Variants in LSM11 observed in about 807,000 individuals in gnomAD.
LSM11 encodes the protein U7 snRNA-associated Sm-like protein LSm11.
LSM11 carries 14 observed loss-of-function variants against 28.1 expected under a neutral mutation model. The observed-to-expected ratio is 0.50, with a 90% CI of 0.33 to 0.78. The LOEUF (loss-of-function observed/expected upper bound fraction) is 0.78. LSM11 is among the 30% of genes least tolerant of loss of function. LSM11 has a pLI of 0.02. For missense variants in LSM11, 495 were observed against 510.6 expected, an observed-to-expected ratio of 0.97 and a Z score of 0.30; for synonymous variants, 207 against 214.2, an observed-to-expected ratio of 0.97 and a Z score of 0.30.
intron 3 of LSM11, 27 bp from the exon 4 acceptor site, chr5:157,754,827 T>C: frequency 6.3e-7 from 1 of 1,590,870 alleles, no homozygotes; most frequent in Non-Finnish European, 8.6e-7. Context: ...AAGAGAAGGC[T>C]AATATTTATC....
In LSM11 at chr5:157,744,073, A is replaced by T. The variant is rs1389491646; in HGVS notation, c.323A>T (p.Glu108Val). 1 of 1,475,186 alleles carries T rather than the reference A, an allele frequency of 6.8e-7. No homozygotes were observed. The highest frequency in any genetic ancestry group is 8.9e-7 in the Non-Finnish European group (1 of 1,117,850). The allele number at this position is 1,475,186 out of a possible 1,614,324, so 91.4% of individuals were successfully genotyped here. The change falls in exon 1 of 4, where the codon GAG (glutamate) becomes GTG (valine). Residue 108 changes from glutamate (E) to valine (V), a missense_variant. Glu to Val is a moderately radical substitution (Grantham distance 121). Transcript: ENST00000286307. ...RRPDAPAPDP[E>V]RIQRLRRLMV... ...CCGGACGCGCCCGCCCCGGACCCCG[A>T]GCGCATCCAGCGCCTCCGCCGTCTC...
chr5:157,743,849 G>A lies in LSM11; in HGVS notation c.99G>A (p.Pro33=), dbSNP rs1761101179. Residue 33 remains proline, a synonymous_variant, in exon 1 of 4, where the codon CCG becomes CCA. Transcript: ENST00000286307. ...RLDVSSDSFD[P]LLALYAPRLP... ...ATGTCAGCTCTGACAGCTTCGACCCGCTGCTGGCCCTGTACGCGCCCCGCC... is the reference window on the plus strand; with the variant it reads ...ATGTCAGCTCTGACAGCTTCGACCCACTGCTGGCCCTGTACGCGCCCCGCC... The A allele has an allele frequency of 6.4e-7, 1 of 1,554,872 alleles. No individual in the cohort carries two copies. The highest frequency in any genetic ancestry group is 8.7e-7 in the Non-Finnish European group (1 of 1,153,138).
intron 1 of LSM11, among the ~76,000 whole-genome samples, chr5:157,751,088 A>G (rs1359081859): frequency 6.6e-6 from 1 of 152,150 alleles, no homozygotes; most frequent in Non-Finnish European, 1.5e-5. Context: ...GGCCAACCCC[A>G]AAAGTTAAGT....
chr5:157,746,816 A>G (rs996668439), intron 1 of LSM11, among the ~76,000 whole-genome samples: 4 of 152,122 alleles, frequency 2.6e-5, no homozygotes, highest in African/African-American at 9.7e-5. Flanking sequence ...AGGATGAGGC[A>G]CGAGAATCGC....
rs2113077087 is a variant in LSM11, at chr5:157,754,046, G to A, written c.631G>A (p.Gly211Ser). The A allele has an allele frequency of 1.9e-6, 3 of 1,575,492 alleles. No homozygotes were observed. In the South Asian group the frequency reaches 3.5e-5, roughly 19 times the overall value. Residue 211 changes from glycine to serine, a missense_variant, in exon 3 of 4, where the codon GGC (glycine) becomes AGC (serine). Gly to Ser is a moderately conservative substitution (Grantham distance 56, BLOSUM62 0). Transcript: ENST00000286307. ...VDETYRKPVL[G>S]KAYERDSSLT... is the part of the protein sequence containing the mutation. ...TGAGACCTACCGAAAACCTGTCCTA[G>A]GCAAAGCATATGAACGGGATTCTTC...
Position 157,754,934 on chromosome 5 carries a change from T to G in LSM11, c.753T>G (p.Ser251=). ...CTGCAGTTGAAGATTCCACTCTGTCTAGATACTCACAGACATCCACTTGGA... is the reference window on the plus strand; with the variant it reads ...CTGCAGTTGAAGATTCCACTCTGTCGAGATACTCACAGACATCCACTTGGA... ...SKSAVEDSTL[S]RYSQTSTWKL... The change falls in exon 4 of 4, where the codon TCT becomes TCG. Residue 251 remains serine (S), a synonymous_variant. Coordinates refer to ENST00000286307, the MANE Select transcript of LSM11 (RefSeq NM_173491.4). 6.2e-7 allele frequency: 1 copy of G among 1,614,226 alleles called. No individual in the cohort carries two copies. The highest frequency in any genetic ancestry group is 2.2e-5 in the East Asian group (1 of 44,884).
At position 157,755,368 on chromosome 5, in the gene LSM11, G is replaced by A. The variant is rs1409450120; in HGVS notation, c.*104G>A. On this transcript the variant is annotated 3_prime_UTR_variant, in exon 4 of 4. Coordinates refer to ENST00000286307, the MANE Select transcript of LSM11 (RefSeq NM_173491.4). ...ACTCTGAGTTGGAATGATTCCCTCT[G>A]GTCCTGCATATGCAGAGGACGGAGC... The A allele has an allele frequency of 1.6e-6, 2 of 1,280,388 alleles. No individual in the cohort carries two copies. The highest frequency in any genetic ancestry group is 2.2e-6 in the Non-Finnish European group (2 of 929,260). The allele number at this position is 1,280,388 out of a possible 1,614,324, so 79.3% of individuals were successfully genotyped here.
Position 157,753,989 on chromosome 5 carries a change from G to T in LSM11, c.589-15G>T. On this transcript the variant is annotated splice_polypyrimidine_tract_variant and intron_variant, in intron 2 of 3. Transcript: ENST00000286307. ...AATTCTGTCTAATGTTTTTCCTTTTGGGCTGTTCCTCTAGGCACTTACTGA... is the reference window on the plus strand; with the variant it reads ...AATTCTGTCTAATGTTTTTCCTTTTTGGCTGTTCCTCTAGGCACTTACTGA... 8.0e-6 allele frequency: 12 copies of T among 1,492,066 alleles called. No homozygotes were observed. The highest frequency in any genetic ancestry group is 2.7e-5 in the South Asian group (2 of 72,844). The allele number at this position is 1,492,066 out of a possible 1,614,324, so 92.4% of individuals were successfully genotyped here.
At position 157,756,699 on chromosome 5, in the gene LSM11, G is replaced by C. The variant is rs1176245611; in HGVS notation, c.*1435G>C. On this transcript the variant is annotated 3_prime_UTR_variant, in exon 4 of 4. Transcript: ENST00000286307. ...GCAGACTTAACCCCTCCGTGCCTCA[G>C]CTTTTTCCCCACAGACACCTACCTC... is the stretch of plus-strand genomic sequence containing the variant. 1.3e-5 allele frequency: 2 copies of C among 152,264 alleles called. No homozygotes were observed. The highest frequency in any genetic ancestry group is 2.9e-5 in the Non-Finnish European group (2 of 68,000). 9.4% of individuals were successfully genotyped at this position (152,264 alleles called of 1,614,324 possible).
At chr5:157,746,471 G>C (rs974333343) in intron 1 of LSM11, among the ~76,000 whole-genome samples, 1 of 152,210 alleles carries the variant, frequency 6.6e-6, no homozygotes, top group Non-Finnish European at 1.5e-5. Flanking sequence ...AGAGAGGACA[G>C]TGTGGAATGT....
chr5:157,743,790 G>T lies in LSM11; in HGVS notation c.40G>T (p.Gly14Trp), dbSNP rs1761099826. The change falls in exon 1 of 4, where the codon GGG (glycine) becomes TGG (tryptophan). Residue 14 changes from glycine to tryptophan, a missense_variant. Gly to Trp is a radical substitution (Grantham distance 184). Transcript: ENST00000286307. ...RERGARSAGA[G>W]SPARPPSPRL... ...GCGGGGGGCGAGGTCGGCTGGCGCC[G>T]GGAGCCCCGCGCGCCCGCCCAGCCC... 6 of 1,445,346 alleles carry T rather than the reference G, an allele frequency of 4.2e-6. No homozygotes were observed. The highest frequency in any genetic ancestry group is 5.4e-6 in the Non-Finnish European group (6 of 1,102,262). The allele number at this position is 1,445,346 out of a possible 1,614,324, so 89.5% of individuals were successfully genotyped here.
rs1761307261 is a variant in LSM11 at position 157,755,321 on chromosome 5, T to C, written c.*57T>C. 3 of 1,524,356 alleles carry C rather than the reference T, an allele frequency of 2.0e-6. No homozygotes were observed. Among genetic ancestry groups the C allele is most frequent in the Admixed American group, 1.8e-5 (1 of 56,376 alleles). The allele number at this position is 1,524,356 out of a possible 1,614,324, so 94.4% of individuals were successfully genotyped here. A position where few individuals can be genotyped will look rare whatever the true frequency, so the allele number is the denominator to read the frequency against. ...TAAAGTGCATGAATTGCTGCTATGC[T>C]GTATCCTAGTATCCCAGTGAAACTC... On this transcript the variant is annotated 3_prime_UTR_variant, in exon 4 of 4. Coordinates refer to ENST00000286307, the MANE Select transcript of LSM11 (RefSeq NM_173491.4).
rs770922032 is a variant in LSM11 at position 157,743,898 on chromosome 5, G to A, written c.148G>A (p.Ala50Thr). Residue 50 changes from alanine (A) to threonine (T), a missense_variant, in exon 1 of 4, where the codon GCC becomes ACC. Coordinates refer to ENST00000286307, the MANE Select transcript of LSM11 (RefSeq NM_173491.4). Reference protein sequence around the residue: ...PRLPPIPYPNAPCFNNVAEYE... With the variant: ...PRLPPIPYPNTPCFNNVAEYE... ...CCTGCCTCCCATTCCCTACCCCAATGCCCCCTGCTTCAACAACGTGGCGGA... is the reference window on the plus strand; with the variant it reads ...CCTGCCTCCCATTCCCTACCCCAATACCCCCTGCTTCAACAACGTGGCGGA... 6.5e-7 allele frequency: 1 copy of A among 1,539,230 alleles called. No individual in the cohort carries two copies. Among genetic ancestry groups the A allele is most frequent in the Non-Finnish European group, 8.7e-7 (1 of 1,143,930 alleles).
intron 3 of LSM11, among the ~76,000 whole-genome samples, chr5:157,754,490 G>A (rs1424782375): frequency 4.6e-5 from 7 of 152,074 alleles, no homozygotes; most frequent in South Asian, 2.1e-4. Flanking sequence ...TCAGGAGATC[G>A]AGACCATCCT....
At chr5:157,754,118 G>A in intron 3 of LSM11, 31 bp downstream of exon 3, 3 of 1,405,920 alleles carry the variant, frequency 2.1e-6, no homozygotes, top group Non-Finnish European at 2.9e-6. Context: ...CTCCTGAGTA[G>A]CCATCATGCT....
intron 1 of LSM11, among the ~76,000 whole-genome samples, chr5:157,749,452 G>T (rs191601897): frequency 3.0e-4 from 45 of 152,304 alleles, no homozygotes; most frequent in African/African-American, 1.0e-3. Context: ...TTTTATGAAT[G>T]AGGAAATTTG....
chr5:157,751,852 A>G (rs892952941), intron 2 of LSM11, among the ~76,000 whole-genome samples: 1 of 152,194 alleles, frequency 6.6e-6, no homozygotes, highest in Non-Finnish European at 1.5e-5. Flanking sequence ...GGTTGCAGCT[A>G]AACAGTCTAC....
chr5:157,746,087 GA>G (rs907475333), intron 1 of LSM11, among the ~76,000 whole-genome samples: 97 of 151,376 alleles, frequency 6.4e-4, no homozygotes, highest in African/African-American at 2.1e-3. Flanking sequence ...TGGAAGGGGG[GA>G]AAAAAAAGAA....
Position 157,754,057 on chromosome 5 carries a change from T to C in LSM11, c.642T>C (p.Tyr214=). ...GAAAACCTGTCCTAGGCAAAGCATA[T>C]GAACGGGATTCTTCACTGACTCTCA... ...TYRKPVLGKA[Y]ERDSSLTLTR... The change falls in exon 3 of 4, where the codon TAT becomes TAC. Residue 214 remains tyrosine (Y), a synonymous_variant. Coordinates refer to ENST00000286307, the MANE Select transcript of LSM11 (RefSeq NM_173491.4). 6.4e-7 allele frequency: 1 copy of C among 1,574,026 alleles called. No individual in the cohort carries two copies. Among genetic ancestry groups the C allele is most frequent in the Non-Finnish European group, 8.6e-7 (1 of 1,160,678 alleles).
Sources: allele counts gnomAD v4.1 joint callset (sites outside exome capture counted in the v4.1 genomes callset), GRCh38; gene constraint gnomAD v4.1.1; transcripts MANE v1.5; gene names NCBI Gene and HGNC (gene_info 2026-07-23, HGNC 2026-07-21).